The following RFX4 variants were observed in gnomAD, a reference collection of about 807,000 sequenced individuals.
RFX4 encodes the protein regulatory factor X4, also known as transcription factor RFX4.
RFX4 carries 10 observed loss-of-function variants against 95.0 expected under a neutral mutation model. The observed-to-expected ratio is 0.11, with a 90% CI of 0.06 to 0.18. The LOEUF is 0.18. Among genes scored for constraint, RFX4 ranks in the 10% least tolerant of loss-of-function variants. RFX4 has a pLI of 1.00. For missense variants in RFX4, 640 were observed against 922.0 expected, an observed-to-expected ratio of 0.69 and a Z score of 3.96; for synonymous variants, 321 against 340.7, an observed-to-expected ratio of 0.94 and a Z score of 0.64.
chr12:106,609,627 C>T (rs761426777), intron 2 of RFX4, among the ~76,000 whole-genome samples: 1 of 152,178 alleles, frequency 6.6e-6, no homozygotes, highest in Non-Finnish European at 1.5e-5. Context: ...CTCAATAGCC[C>T]CCTCCTGAGT....
intron 4 of RFX4, among the ~76,000 whole-genome samples, chr12:106,662,489 T>C (rs1391971012): frequency 1.3e-5 from 2 of 152,218 alleles, no homozygotes; most frequent in Non-Finnish European, 2.9e-5. Context: ...CTCTTGCAAA[T>C]ATTTTCTCCC....
chr12:106,753,361 T>C (rs909394916), intron 17 of RFX4, among the ~76,000 whole-genome samples: 2 of 152,178 alleles, frequency 1.3e-5, no homozygotes, highest in African/African-American at 4.8e-5. Context: ...TTGCCGTCTT[T>C]GTGGCATTCC....
In RFX4 at chr12:106,608,828, T is replaced by G; in HGVS notation, c.75T>G (p.Ser25Arg). Residue 25 changes from serine to arginine, a missense_variant, in exon 2 of 18, where the codon AGT becomes AGG. Transcript: ENST00000392842. ...ESWIERCLNE[S>R]ENKRYSSHTS... Reference sequence around the variant, plus strand: ...GGATTGAAAGATGTCTCAACGAAAGTGAAAACAAACGTTATTCCAGCCACA... The same window carrying G: ...GGATTGAAAGATGTCTCAACGAAAGGGAAAACAAACGTTATTCCAGCCACA... 6.2e-7 allele frequency: 1 copy of G among 1,611,828 alleles called. No homozygotes were observed. Among genetic ancestry groups the G allele is most frequent in the Non-Finnish European group, 8.5e-7 (1 of 1,179,488 alleles).
intron 17 of RFX4, among the ~76,000 whole-genome samples, chr12:106,751,559 TAA>T (rs2043007007): frequency 6.8e-6 from 1 of 147,458 alleles, no homozygotes; most frequent in African/African-American, 2.5e-5. Context: ...ACCAACAGTG[TAA>T]AAGTGTTCCT....
At chr12:106,654,838 C>T (rs117347208) in intron 4 of RFX4, among the ~76,000 whole-genome samples, 152 of 152,250 alleles carry the variant, frequency 1.0e-3, no homozygotes, top group Non-Finnish European at 1.9e-3. Context: ...ACATTTAGAG[C>T]TATGTCTACA....
intron 1 of RFX4, among the ~76,000 whole-genome samples, chr12:106,590,145 G>T (rs540829481): frequency 6.6e-6 from 1 of 152,388 alleles, no homozygotes; most frequent in African/African-American, 2.4e-5. Context: ...TGATGGGGTT[G>T]TTGGCTTCAT....
chr12:106,640,027 G>T (rs762745896), intron 3 of RFX4, among the ~76,000 whole-genome samples: 2 of 152,150 alleles, frequency 1.3e-5, no homozygotes, highest in Non-Finnish European at 2.9e-5. Flanking sequence ...CAGTGCAGCC[G>T]AGCAATATGA....
intron 1 of RFX4, chr12:106,601,118 C>G (rs1396078218): frequency 1.4e-6 from 2 of 1,420,156 alleles, no homozygotes; most frequent in East Asian, 5.2e-5. Flanking sequence ...CCAGCAGCCC[C>G]TGGGGCAGGA....
chr12:106,583,598 G>C, intron 1 of RFX4: 1 of 388,650 alleles, frequency 2.6e-6, no homozygotes, highest in Non-Finnish European at 4.5e-6. Context: ...GTGCGTGCGC[G>C]CGCGCGAAGG....
chr12:106,686,762 C>A, intron 5 of RFX4, 122 bp from the exon 6 acceptor site: 1 of 827,772 alleles, frequency 1.2e-6, no homozygotes, highest in Non-Finnish European at 1.9e-6. Flanking sequence ...GGTAGGATGG[C>A]CCCAGCTTTC....
chr12:106,695,747 T>C (rs1327055930), intron 7 of RFX4, among the ~76,000 whole-genome samples: 1 of 152,164 alleles, frequency 6.6e-6, no homozygotes, highest in Non-Finnish European at 1.5e-5. Context: ...AAAAGACTTT[T>C]GCACTTGACC....
chr12:106,751,183 A>G (rs931145533), intron 17 of RFX4, among the ~76,000 whole-genome samples: 2 of 150,970 alleles, frequency 1.3e-5, no homozygotes, highest in Non-Finnish European at 2.9e-5. Context: ...GAGAACATGC[A>G]GTGTTTGGTT....
chr12:106,612,475 A>T (rs1343394689), intron 2 of RFX4, among the ~76,000 whole-genome samples: 3 of 152,224 alleles, frequency 2.0e-5, no homozygotes, highest in African/African-American at 7.2e-5. Flanking sequence ...ACTTTGCTGA[A>T]TTCATTTATT....
chr12:106,615,576 C>T (rs892939943), intron 2 of RFX4, among the ~76,000 whole-genome samples: 2 of 152,096 alleles, frequency 1.3e-5, no homozygotes, highest in Non-Finnish European at 2.9e-5. Context: ...TTGGGAAGAA[C>T]ACCTTAACAA....
intron 6 of RFX4, 65 bp from the exon 7 acceptor site, chr12:106,689,222 C>A: frequency 7.4e-7 from 1 of 1,346,266 alleles, no homozygotes; most frequent in South Asian, 1.2e-5. Context: ...AACTGAAAGT[C>A]CAAGGGCAGC....
chr12:106,737,181 TTTTTTTTTTTTTTTTTTTTTTG>T (rs1566000718), intron 15 of RFX4, among the ~76,000 whole-genome samples: 1 of 100,252 alleles, frequency 1.0e-5, no homozygotes, highest in Non-Finnish European at 2.1e-5. Context: ...TTTTTTTTTT[TTTTTTTTTTTTTTTTTTTTTTG>T]AGGACCAAAT....
chr12:106,697,970 A>T (rs2041912765), intron 8 of RFX4, among the ~76,000 whole-genome samples: 1 of 151,386 alleles, frequency 6.6e-6, no homozygotes, highest in African/African-American at 2.4e-5. Context: ...TATTATAATT[A>T]TTATTATTAT....
chr12:106,626,145 T>C (rs2040294527), intron 2 of RFX4, among the ~76,000 whole-genome samples: 1 of 152,234 alleles, frequency 6.6e-6, no homozygotes, highest in South Asian at 2.1e-4. Flanking sequence ...GCCTATAGCA[T>C]AGACCTCCCT....
At chr12:106,608,151 T>G (rs2039877724) in intron 1 of RFX4, among the ~76,000 whole-genome samples, 1 of 152,164 alleles carries the variant, frequency 6.6e-6, no homozygotes, top group African/African-American at 2.4e-5. Flanking sequence ...ATCACGCCAT[T>G]GCACTTCAGC....
Sources: gnomAD v4.1 joint callset for allele counts (sites outside exome capture counted in the v4.1 genomes callset) on GRCh38, gnomAD v4.1.1 for gene constraint, MANE v1.5 for transcripts, NCBI Gene and HGNC (gene_info 2026-07-23, HGNC 2026-07-21) for gene names.